Variants in RBFOX1 observed in about 807,000 individuals in gnomAD.
The protein encoded by RBFOX1 is RNA binding protein fox-1 homolog 1.
Under a neutral mutation model 57.7 loss-of-function variants are expected in RBFOX1, and 8 were observed. That is an observed-to-expected ratio of 0.14 (90% CI 0.08 to 0.25). The LOEUF is 0.25. RBFOX1 is among the 10% of genes least tolerant of loss of function. RBFOX1 has a pLI of 1.00. For synonymous variants in RBFOX1, 326 were observed against 222.4 expected (o/e 1.47, Z -4.15); for missense variants, 611 against 548.5 (o/e 1.11, Z -1.14).
chr16:5,982,895 C>T (rs2060202057), intron 4 of RBFOX1, among the ~76,000 whole-genome samples: 1 of 152,196 alleles, frequency 6.6e-6, no homozygotes, highest in Non-Finnish European at 1.5e-5. Flanking sequence ...CAGATGAATG[C>T]TTTAATGAAT....
intron 1 of RBFOX1, among the ~76,000 whole-genome samples, chr16:6,205,129 G>T (rs1002602584): frequency 8.6e-5 from 13 of 152,038 alleles, no homozygotes; most frequent in Admixed American, 6.6e-4. Flanking sequence ...TCTAATTATT[G>T]GGCTTAAATT....
chr16:7,698,864 C>G (rs530183785), intron 14 of RBFOX1, among the ~76,000 whole-genome samples: 1 of 152,182 alleles, frequency 6.6e-6, no homozygotes, highest in African/African-American at 2.4e-5. Flanking sequence ...CATGCAATAA[C>G]AATACCCTAT....
At chr16:7,628,275 C>T (rs1160460079) in intron 10 of RBFOX1, among the ~76,000 whole-genome samples, 2 of 152,038 alleles carry the variant, frequency 1.3e-5, no homozygotes, top group African/African-American at 2.4e-5. Flanking sequence ...TCCCTAAATC[C>T]ACTTGCTAGG....
At chr16:5,748,369 G>C (rs1029724271) in intron 3 of RBFOX1, among the ~76,000 whole-genome samples, 1 of 152,158 alleles carries the variant, frequency 6.6e-6, no homozygotes, top group Non-Finnish European at 1.5e-5. Context: ...GGGGTGGAGA[G>C]TTCTGTAGAT....
intron 1 of RBFOX1, among the ~76,000 whole-genome samples, chr16:5,415,058 G>A (rs913281550): frequency 3.9e-5 from 6 of 152,176 alleles, no homozygotes; most frequent in African/African-American, 1.4e-4. Flanking sequence ...CCATTTTACA[G>A]ATGGGTGAAC....
chr16:5,958,878 C>G (rs757907593), intron 4 of RBFOX1, among the ~76,000 whole-genome samples: 1 of 152,142 alleles, frequency 6.6e-6, no homozygotes, highest in Non-Finnish European at 1.5e-5. Context: ...TCTGGGGACC[C>G]TTGAGATTGC....
At chr16:7,685,193 C>A (rs1434145201) in intron 14 of RBFOX1, among the ~76,000 whole-genome samples, 1 of 152,042 alleles carries the variant, frequency 6.6e-6, no homozygotes, top group East Asian at 1.9e-4. Context: ...TCTGTTCTAC[C>A]CCGATATGCC....
chr16:7,197,318 C>T (rs888545619), intron 4 of RBFOX1, among the ~76,000 whole-genome samples: 2 of 151,770 alleles, frequency 1.3e-5, no homozygotes, highest in East Asian at 3.9e-4. Flanking sequence ...ACTGAGCTTG[C>T]TATCGATTTT....
At chr16:6,991,358 A>G (rs1352343675) in intron 3 of RBFOX1, among the ~76,000 whole-genome samples, 1 of 152,148 alleles carries the variant, frequency 6.6e-6, no homozygotes, top group Non-Finnish European at 1.5e-5. Context: ...CTGTATGTAC[A>G]GGCCCTGGAC....
intron 4 of RBFOX1, among the ~76,000 whole-genome samples, chr16:7,472,504 G>C (rs1157435960): frequency 1.3e-5 from 2 of 152,138 alleles, no homozygotes; most frequent in African/African-American, 4.8e-5. Context: ...AAGTTATTCT[G>C]ATATGAAAAT....
chr16:6,643,655 T>G (rs2098510111), intron 2 of RBFOX1, among the ~76,000 whole-genome samples: 1 of 152,196 alleles, frequency 6.6e-6, no homozygotes, highest in Non-Finnish European at 1.5e-5. Flanking sequence ...ATAAAATACA[T>G]AGCTCGTAGA....
chr16:6,014,392 G>A (rs951512319), upstream of RBFOX1, among the ~76,000 whole-genome samples: 1 of 152,178 alleles, frequency 6.6e-6, no homozygotes, highest in Non-Finnish European at 1.5e-5. Context: ...CATTGAAACA[G>A]AGTGCAAAAG....
intron 3 of RBFOX1, among the ~76,000 whole-genome samples, chr16:6,958,605 C>G (rs922755775): frequency 1.3e-5 from 2 of 152,114 alleles, no homozygotes; most frequent in African/African-American, 4.8e-5. Context: ...ACAATGGGAA[C>G]GCACGCTCAG....
intron 1 of RBFOX1, among the ~76,000 whole-genome samples, chr16:6,233,301 C>G (rs1280638049): frequency 6.6e-6 from 1 of 152,060 alleles, no homozygotes; most frequent in East Asian, 1.9e-4. Context: ...GACATGATTG[C>G]AGGGTGAGGT....
chr16:6,882,669 C>T (rs2063191517), intron 3 of RBFOX1, among the ~76,000 whole-genome samples: 4 of 152,152 alleles, frequency 2.6e-5, no homozygotes, highest in South Asian at 4.2e-4. Flanking sequence ...TTGGCAGGTA[C>T]CCATTGGCTG....
intron 12 of RBFOX1, among the ~76,000 whole-genome samples, chr16:7,662,116 C>T (rs1050303379): frequency 6.6e-6 from 1 of 152,190 alleles, no homozygotes; most frequent in African/African-American, 2.4e-5. Context: ...GCCATGTGCC[C>T]CGTTGGAACA....
chr16:6,942,342 ATT>A (rs769042026), intron 3 of RBFOX1, among the ~76,000 whole-genome samples: 4 of 151,608 alleles, frequency 2.6e-5, no homozygotes, highest in African/African-American at 4.8e-5. Flanking sequence ...TAATTTTTTG[ATT>A]TTTTTTTGTG....
chr16:5,305,925 A>G (rs997909778), intron 1 of RBFOX1, among the ~76,000 whole-genome samples: 2 of 152,152 alleles, frequency 1.3e-5, no homozygotes, highest in Non-Finnish European at 2.9e-5. Flanking sequence ...GATGTGTGGC[A>G]CACGTCTGTA....
intron 4 of RBFOX1, among the ~76,000 whole-genome samples, chr16:7,109,200 C>T (rs1382951368): frequency 6.6e-6 from 1 of 152,064 alleles, no homozygotes; most frequent in African/African-American, 2.4e-5. Context: ...ATAGATAAAA[C>T]AAGTATAAAG....
Sources: allele counts gnomAD v4.1 joint callset (sites outside exome capture counted in the v4.1 genomes callset), GRCh38; gene constraint gnomAD v4.1.1; transcripts MANE v1.5; gene names NCBI Gene and HGNC (gene_info 2026-07-23, HGNC 2026-07-21).